The following CNTNAP2 variants were observed in gnomAD, a reference collection of about 807,000 sequenced individuals.
CNTNAP2 encodes the protein contactin associated protein 2.
CNTNAP2 carries 98 observed loss-of-function variants against 155.2 expected under a neutral mutation model. The ratio of observed to expected loss-of-function variants is 0.63; its 90% CI spans 0.54 to 0.75. CNTNAP2 has a LOEUF of 0.75. CNTNAP2 is among the 30% of genes least tolerant of loss of function. The pLI, the probability that CNTNAP2 is intolerant of heterozygous loss-of-function variation, is 0.00. For missense variants in CNTNAP2, 1,727 were observed against 1,688.1 expected (o/e 1.02, Z -0.40); for synonymous variants, 651 against 631.2 (o/e 1.03, Z -0.47).
At chr7:146,196,031 G>C (rs1324089851) in intron 1 of CNTNAP2, among the ~76,000 whole-genome samples, 1 of 152,122 alleles carries the variant, frequency 6.6e-6, no homozygotes, top group Admixed American at 6.5e-5. Flanking sequence ...CATGTGAGTT[G>C]TCTTGGTCTC....
chr7:147,921,191 T>G (rs1049706206), intron 14 of CNTNAP2, among the ~76,000 whole-genome samples: 2 of 152,176 alleles, frequency 1.3e-5, no homozygotes, highest in African/African-American at 4.8e-5. Flanking sequence ...TAATAATGAA[T>G]TAAAGAGGAT....
chr7:147,384,837 C>T (rs913751722), intron 9 of CNTNAP2, among the ~76,000 whole-genome samples: 1 of 152,062 alleles, frequency 6.6e-6, no homozygotes, highest in Admixed American at 6.6e-5. Flanking sequence ...ACTACTGTAC[C>T]CTTCACCCAG....
intron 20 of CNTNAP2, among the ~76,000 whole-genome samples, chr7:148,260,393 A>G (rs1796537584): frequency 6.6e-6 from 1 of 152,170 alleles, no homozygotes. Context: ...TATCTATTCA[A>G]TAAGACAATA....
At position 147,148,287 on chromosome 7, in the gene CNTNAP2, G is replaced by A. The variant is rs1801752260; in HGVS notation, c.1348+15778G>A. ...CGCCTGTAGTCCCAGCTACTTGGGA[G>A]GCTGAGGCAGGAGAATGGCGTGAAC... On this transcript the variant is annotated intron_variant, in intron 8 of 23. Coordinates refer to ENST00000361727, the MANE Select transcript of CNTNAP2 (RefSeq NM_014141.6). Among the ~76,000 whole-genome samples the A allele has an allele frequency of 6.0e-5, 9 of 150,710 alleles. No individual in the cohort carries two copies. The South Asian group carries it at 1.9e-3, about 32-fold the overall frequency.
chr7:147,646,978 T>C lies in CNTNAP2; in HGVS notation c.2098+7672T>C, dbSNP rs377120337. On this transcript the variant is annotated intron_variant, in intron 13 of 23. Transcript: ENST00000361727. Reference sequence around the variant, plus strand: ...TTTGTTTGTGGATGGAATGTTATTATGTTCACTTTTTTTTTTTTTTTGAGA... The same window carrying C: ...TTTGTTTGTGGATGGAATGTTATTACGTTCACTTTTTTTTTTTTTTTGAGA... 7.6e-3 allele frequency among the ~76,000 whole-genome samples: 1,154 copies of C among 150,930 alleles called. 17 individuals carry two copies. The highest frequency in any genetic ancestry group is 0.026 in the African/African-American group (1,081 of 41,266).
chr7:147,024,674 A>G (rs1444185425), intron 3 of CNTNAP2, among the ~76,000 whole-genome samples: 1 of 152,212 alleles, frequency 6.6e-6, no homozygotes, highest in East Asian at 1.9e-4. Flanking sequence ...TTTATACCTC[A>G]GAGTTGATTT....
intron 20 of CNTNAP2, among the ~76,000 whole-genome samples, chr7:148,264,323 A>G (rs145230110): frequency 1.3e-5 from 2 of 152,328 alleles, no homozygotes; most frequent in African/African-American, 2.4e-5. Context: ...AAGAATATAC[A>G]TTAAAAGTTA....
At chr7:146,243,238 G>C (rs1239006208) in intron 1 of CNTNAP2, among the ~76,000 whole-genome samples, 1 of 151,868 alleles carries the variant, frequency 6.6e-6, no homozygotes, top group Non-Finnish European at 1.5e-5. Flanking sequence ...ACCAATTATT[G>C]TCTCATCTTA....
chr7:146,385,891 A>G (rs1230776954), intron 1 of CNTNAP2, among the ~76,000 whole-genome samples: 1 of 152,216 alleles, frequency 6.6e-6, no homozygotes, highest in Non-Finnish European at 1.5e-5. Context: ...GATAAAGTAA[A>G]CCACCTTCTA....
At chr7:146,904,601 A>G (rs2129214560) in intron 3 of CNTNAP2, among the ~76,000 whole-genome samples, 1 of 152,202 alleles carries the variant, frequency 6.6e-6, no homozygotes, top group East Asian at 1.9e-4. Flanking sequence ...CCTCCTGAGT[A>G]GCTGGGACTA....
intron 1 of CNTNAP2, among the ~76,000 whole-genome samples, chr7:146,681,861 C>A (rs1332661675): frequency 6.6e-6 from 1 of 152,166 alleles, no homozygotes; most frequent in Non-Finnish European, 1.5e-5. Context: ...CTAATGCTTT[C>A]TACTCCCTTC....
At chr7:146,790,230 A>G (rs1802646479) in intron 2 of CNTNAP2, among the ~76,000 whole-genome samples, 1 of 152,214 alleles carries the variant, frequency 6.6e-6, no homozygotes, top group African/African-American at 2.4e-5. Context: ...ATTTAAGACA[A>G]TCATTGATGA....
At chr7:148,050,396 C>T (rs565500346) in intron 15 of CNTNAP2, among the ~76,000 whole-genome samples, 39 of 151,520 alleles carry the variant, frequency 2.6e-4, no homozygotes, top group African/African-American at 9.2e-4. Flanking sequence ...ATTTAAAGTA[C>T]AAAAATGAAA....
chr7:148,052,920 G>A (rs35751953), intron 15 of CNTNAP2, among the ~76,000 whole-genome samples: 16 of 152,010 alleles, frequency 1.1e-4, no homozygotes, highest in African/African-American at 1.9e-4. Context: ...AGTGGCGCAC[G>A]CCTGTAGTCC....
At chr7:146,958,651 G>A (rs1430937779) in intron 3 of CNTNAP2, among the ~76,000 whole-genome samples, 1 of 151,946 alleles carries the variant, frequency 6.6e-6, no homozygotes, top group Non-Finnish European at 1.5e-5. Context: ...CTGACCTCGT[G>A]ATCCGCCTGC....
intron 5 of CNTNAP2, among the ~76,000 whole-genome samples, chr7:147,109,255 A>G (rs1800827185): frequency 6.6e-6 from 1 of 152,174 alleles, no homozygotes; most frequent in Admixed American, 6.5e-5. Context: ...AAATATGTCA[A>G]TTAAGGAAAT....
At chr7:146,640,062 A>G (rs1007069524) in intron 1 of CNTNAP2, among the ~76,000 whole-genome samples, 1 of 152,174 alleles carries the variant, frequency 6.6e-6, no homozygotes, top group Non-Finnish European at 1.5e-5. Context: ...CTGCCTGTGT[A>G]CTCTACCTAC....
chr7:148,366,417 A>G (rs2116631745), intron 21 of CNTNAP2, among the ~76,000 whole-genome samples: 1 of 152,126 alleles, frequency 6.6e-6, no homozygotes, highest in South Asian at 2.1e-4. Context: ...TTGAATCCTC[A>G]CCACCTGGCA....
chr7:146,722,877 T>C (rs1801363331), intron 1 of CNTNAP2, among the ~76,000 whole-genome samples: 1 of 152,046 alleles, frequency 6.6e-6, no homozygotes, highest in Non-Finnish European at 1.5e-5. Context: ...TAGCTGGGCA[T>C]AGTGGTGGGC....
Sources: gnomAD v4.1 joint callset for allele counts (sites outside exome capture counted in the v4.1 genomes callset) on GRCh38, gnomAD v4.1.1 for gene constraint, MANE v1.5 for transcripts, NCBI Gene and HGNC (gene_info 2026-07-23, HGNC 2026-07-21) for gene names.